VWA5B1: variants seen among roughly 807,000 people sequenced by gnomAD.
VWA5B1 encodes von Willebrand factor A domain-containing protein 5B1.
VWA5B1 carries 115 observed loss-of-function variants against 118.2 expected under a neutral mutation model. That is an observed-to-expected ratio of 0.97 (90% CI 0.84 to 1.14). The LOEUF is 1.14. Among genes scored for constraint, VWA5B1 ranks in the 50% most tolerant of loss-of-function variants. The pLI is 0.00. For missense variants in VWA5B1, 1,596 were observed against 1,603.8 expected, an observed-to-expected ratio of 1.00 and a Z score of 0.08; for synonymous variants, 682 against 658.4, an observed-to-expected ratio of 1.04 and a Z score of -0.55.
Position 20,355,345 on chromosome 1 carries a change from C to T in VWA5B1, c.*1082C>T, listed in dbSNP as rs941159177. On this transcript the variant is annotated 3_prime_UTR_variant, in exon 22 of 22. Coordinates refer to ENST00000289815, the MANE Select transcript of VWA5B1 (RefSeq NM_001039500.3). ...GGATCCCCTAGGGGCTTCCTGCCCT[C>T]AAGCCCACTGTGTGATGCCTACATG... Among the ~76,000 whole-genome samples, 4 of 152,172 alleles carry T rather than the reference C, an allele frequency of 2.6e-5. No homozygotes were observed. The highest frequency in any genetic ancestry group is 9.7e-5 in the African/African-American group (4 of 41,448).
intron 13 of VWA5B1, 64 bp downstream of exon 13, chr1:20,336,550 G>C (rs1308255585): frequency 2.3e-6 from 3 of 1,284,408 alleles, no homozygotes; most frequent in Admixed American, 3.9e-5. Context: ...TAAGCACTTG[G>C]TAAAAACCAC....
chr1:20,351,152 A>C (rs1410959541), intron 20 of VWA5B1, among the ~76,000 whole-genome samples: 1 of 152,220 alleles, frequency 6.6e-6, no homozygotes, highest in Non-Finnish European at 1.5e-5. Context: ...ATCTCTTTCC[A>C]AATGCAAGTA....
At chr1:20,328,669 A>C (rs774485145) in intron 9 of VWA5B1, among the ~76,000 whole-genome samples, 1 of 152,204 alleles carries the variant, frequency 6.6e-6, no homozygotes, top group Non-Finnish European at 1.5e-5. Flanking sequence ...GCTACTTGGG[A>C]GGTTGAGATG....
In VWA5B1 at chr1:20,318,633, A is replaced by C; in HGVS notation, c.753A>C (p.Pro251=). Residue 251 remains proline, a synonymous_variant, in exon 6 of 22, where the codon CCA becomes CCC. Coordinates refer to ENST00000289815, the MANE Select transcript of VWA5B1 (RefSeq NM_001039500.3). ...ATGAGATTCGTGCCGACGCCGCCCCATCTGCCCGCTCGGCCAAGAGCATCA... is the reference window on the plus strand; with the variant it reads ...ATGAGATTCGTGCCGACGCCGCCCCCTCTGCCCGCTCGGCCAAGAGCATCA... ...PTHEIRADAA[P]SARSAKSIII... The C allele has an allele frequency of 1.3e-6, 2 of 1,550,790 alleles. No individual in the cohort carries two copies. Among genetic ancestry groups the C allele is most frequent in the South Asian group, 2.4e-5 (2 of 83,904 alleles).
chr1:20,350,312 A>G (rs1212827936), intron 19 of VWA5B1, 82 bp downstream of exon 19: 1 of 1,469,590 alleles, frequency 6.8e-7, no homozygotes, highest in Admixed American at 2.0e-5. Context: ...CTTAGCACCG[A>G]CAAAGTCCTC....
intron 12 of VWA5B1, among the ~76,000 whole-genome samples, chr1:20,334,361 G>A (rs1385639145): frequency 1.3e-5 from 2 of 152,114 alleles, no homozygotes; most frequent in Non-Finnish European, 2.9e-5. Flanking sequence ...CACTAGAAGG[G>A]ACTGGACGCA....
In VWA5B1 at chr1:20,358,491, C is replaced by T. The variant is rs377202014; in HGVS notation, c.*4228C>T. 1.3e-5 allele frequency among the ~76,000 whole-genome samples: 2 copies of T among 152,164 alleles called. No individual in the cohort carries two copies. Among genetic ancestry groups the T allele is most frequent in the Non-Finnish European group, 2.9e-5 (2 of 68,018 alleles). ...CCCCTATCTGTGTACAGTCTGCCCC[C>T]CCACCCTGCAATTGCCTGCCCCATT... On this transcript the variant is annotated 3_prime_UTR_variant, in exon 22 of 22. Coordinates refer to ENST00000289815, the MANE Select transcript of VWA5B1 (RefSeq NM_001039500.3).
At chr1:20,341,883 T>C (rs1290647837) in intron 14 of VWA5B1, among the ~76,000 whole-genome samples, 1 of 152,184 alleles carries the variant, frequency 6.6e-6, no homozygotes, top group African/African-American at 2.4e-5. Flanking sequence ...AAAAACTGCA[T>C]TCAATAAATT....
chr1:20,332,915 A>T lies in VWA5B1; in HGVS notation c.1722A>T (p.Val574=). ...PGERLVGYGI[V]CDASLHISNP... ...AACGGCTGGTGGGGTATGGCATTGT[A>T]TGTGATGCTTCTTTGCACATCTCCA... The change falls in exon 12 of 22, where the codon GTA becomes GTT. Residue 574 remains valine, a synonymous_variant. Coordinates refer to ENST00000289815, the MANE Select transcript of VWA5B1 (RefSeq NM_001039500.3). The T allele has an allele frequency of 6.4e-7, 1 of 1,551,872 alleles. No homozygotes were observed. Among genetic ancestry groups the T allele is most frequent in the Non-Finnish European group, 8.7e-7 (1 of 1,147,038 alleles).
chr1:20,316,058 A>G (rs1419796010), intron 4 of VWA5B1, among the ~76,000 whole-genome samples: 1 of 152,220 alleles, frequency 6.6e-6, no homozygotes, highest in Non-Finnish European at 1.5e-5. Flanking sequence ...CACTCTTGGG[A>G]AAAGACTGCC....
At position 20,345,477 on chromosome 1, in the gene VWA5B1, T is replaced by G. The variant is rs762932470; in HGVS notation, c.2648T>G (p.Val883Gly). The G allele has an allele frequency of 5.8e-6, 9 of 1,551,074 alleles. No homozygotes were observed. The highest frequency in any genetic ancestry group is 7.8e-6 in the Non-Finnish European group (9 of 1,146,994). Residue 883 changes from valine to glycine, a missense_variant, in exon 17 of 22, where the codon GTG (valine) becomes GGG (glycine). Coordinates refer to ENST00000289815, the MANE Select transcript of VWA5B1 (RefSeq NM_001039500.3). ...IEQGSNRRYQ[V>G]SALHTSKACN... ...ACAGGGTCCAACCGCCGCTACCAAGTGAGCGCCTTGCACACCAGCAAGGCC... is the reference window on the plus strand; with the variant it reads ...ACAGGGTCCAACCGCCGCTACCAAGGGAGCGCCTTGCACACCAGCAAGGCC...
Position 20,318,667 on chromosome 1 carries a change from T to C in VWA5B1, c.787T>C (p.Leu263=). 6.5e-7 allele frequency: 1 copy of C among 1,547,288 alleles called. No homozygotes were observed. The highest frequency in any genetic ancestry group is 8.7e-7 in the Non-Finnish European group (1 of 1,144,254). ...ARSAKSIIIT[L]ANKHTFDRPV... ...CTCGGCCAAGAGCATCATCATCACC[T>C]TGGCCAACAAGCACACCTTTGACCG... is the stretch of plus-strand genomic sequence containing the variant. Residue 263 remains leucine (L), a synonymous_variant, in exon 6 of 22, where the codon TTG becomes CTG. Transcript: ENST00000289815.
intron 8 of VWA5B1, among the ~76,000 whole-genome samples, chr1:20,324,079 C>T (rs938686769): frequency 6.6e-6 from 1 of 152,238 alleles, no homozygotes; most frequent in Non-Finnish European, 1.5e-5. Context: ...CTTCAGTGGA[C>T]ATGGCCCCTG....
In VWA5B1 at chr1:20,312,845, T is replaced by C. The variant is rs1382520164; in HGVS notation, c.149T>C (p.Val50Ala). The stretch of plus-strand genomic sequence containing the variant: ...GGCCCTGCTCCGACAGGCCTCTTCG[T>C]GTACCCCCTGGATGAGTGCACCACG... ...LEAQPFQGLF[V>A]YPLDECTTVI... is the part of the protein sequence containing the mutation. Residue 50 changes from valine (V) to alanine (A), a missense_variant, in exon 3 of 22, where the codon GTG (valine) becomes GCG (alanine). Val to Ala is a moderately conservative substitution (Grantham distance 64, BLOSUM62 0). Coordinates refer to ENST00000289815, the MANE Select transcript of VWA5B1 (RefSeq NM_001039500.3). 4.8e-5 allele frequency: 75 copies of C among 1,549,906 alleles called. No individual in the cohort carries two copies. Among genetic ancestry groups the C allele is most frequent in the Non-Finnish European group, 6.3e-5 (72 of 1,145,852 alleles).
chr1:20,311,760 G>T (rs890521455), intron 2 of VWA5B1, among the ~76,000 whole-genome samples: 14 of 152,146 alleles, frequency 9.2e-5, no homozygotes, highest in Admixed American at 7.2e-4. Context: ...CCCCACCTGA[G>T]GTTCTGAAAC....
rs1262908850 is a variant in VWA5B1, at chr1:20,350,307, C to T, written c.2953+77C>T. On this transcript the variant is annotated intron_variant, in intron 19 of 21. Transcript: ENST00000289815. ...TCCTGGGGTCAGGAGAGTATCTTAG[C>T]ACCGACAAAGTCCTCAGGGCTTCAT... 4.0e-6 allele frequency: 6 copies of T among 1,497,118 alleles called. No homozygotes were observed. In the South Asian group the frequency reaches 6.0e-5, roughly 15 times the overall value. The allele number at this position is 1,497,118 out of a possible 1,614,324, so 92.7% of individuals were successfully genotyped here. A position where few individuals can be genotyped will look rare whatever the true frequency, so the allele number is the denominator to read the frequency against.
chr1:20,319,486 AAGAGC>A lies in VWA5B1; in HGVS notation c.957_961del (p.Arg321AspfsTer45), dbSNP rs774298406. 10 of 1,551,684 alleles carry A rather than the reference AAGAGC, an allele frequency of 6.4e-6. No homozygotes were observed. In the African/African-American group the frequency reaches 1.1e-4, roughly 17 times the overall value. ...AGATTTCATTAAAGGGATGAAGAAG[AAGAGC>A]AGAGCAGAGCGGAAGGTGAGGGCAA... On this transcript the variant is annotated frameshift_variant, in exon 7 of 22. Coordinates refer to ENST00000289815, the MANE Select transcript of VWA5B1 (RefSeq NM_001039500.3). LOFTEE classifies it high-confidence loss of function.
rs374203397 is a variant in VWA5B1 at position 20,327,876 on chromosome 1, T to C, written c.1144-14T>C. On this transcript the variant is annotated splice_polypyrimidine_tract_variant and intron_variant, in intron 8 of 21. Transcript: ENST00000289815. ...TCCTTCCTGAATCCTGAAAACCCCT[T>C]TCTCTCCTGCCAGGATGCCATGTTG... 6.5e-7 allele frequency: 1 copy of C among 1,550,164 alleles called. No individual in the cohort carries two copies. Among genetic ancestry groups the C allele is most frequent in the South Asian group, 1.2e-5 (1 of 83,990 alleles).
chr1:20,291,671 G>T (rs184007385), intron 1 of VWA5B1, among the ~76,000 whole-genome samples: 38 of 152,138 alleles, frequency 2.5e-4, no homozygotes, highest in African/African-American at 8.4e-4. Context: ...CCCGGCAGCC[G>T]GGCTCATGCC....
Sources: gnomAD v4.1 joint callset for allele counts (sites outside exome capture counted in the v4.1 genomes callset) on GRCh38, gnomAD v4.1.1 for gene constraint, MANE v1.5 for transcripts, NCBI Gene and HGNC (gene_info 2026-07-23, HGNC 2026-07-21) for gene names.